Variants in ST8SIA1 observed in about 807,000 individuals in gnomAD.
ST8SIA1 encodes ST8 alpha-N-acetyl-neuraminide alpha-2,8-sialyltransferase 1, also known as alpha-N-acetylneuraminide alpha-2,8-sialyltransferase.
Under a neutral mutation model 35.9 loss-of-function variants are expected in ST8SIA1, and 16 were observed. The ratio of observed to expected loss-of-function variants is 0.45; its 90% CI spans 0.30 to 0.68. The LOEUF (loss-of-function observed/expected upper bound fraction) is 0.68, where lower values mean the gene tolerates loss of function less well. Among genes scored for constraint, ST8SIA1 ranks in the 30% least tolerant of loss-of-function variants. The pLI, the probability that ST8SIA1 is intolerant of heterozygous loss-of-function variation, is 0.09. For missense variants in ST8SIA1, 383 were observed against 453.6 expected (o/e 0.84, Z 1.41); for synonymous variants, 170 against 169.6 (o/e 1.00, Z -0.02).
intron 1 of ST8SIA1, among the ~76,000 whole-genome samples, chr12:22,307,088 T>C (rs1402743265): frequency 2.0e-5 from 3 of 152,140 alleles, no homozygotes; most frequent in Non-Finnish European, 4.4e-5. Flanking sequence ...GTCTGTTTTC[T>C]GTGTTTTTTC....
At chr12:22,278,151 A>G (rs558979895) in intron 2 of ST8SIA1, among the ~76,000 whole-genome samples, 1 of 152,350 alleles carries the variant, frequency 6.6e-6, no homozygotes, top group South Asian at 2.1e-4. Flanking sequence ...ATATTTATTT[A>G]GGTGACAAGT....
At chr12:22,284,105 T>C (rs193235706) in intron 2 of ST8SIA1, among the ~76,000 whole-genome samples, 1 of 152,318 alleles carries the variant, frequency 6.6e-6, no homozygotes, top group Admixed American at 6.5e-5. Context: ...CCAGCCATTA[T>C]AGGACCTGTT....
intron 2 of ST8SIA1, among the ~76,000 whole-genome samples, chr12:22,282,317 C>A (rs1180388354): frequency 6.6e-6 from 1 of 152,160 alleles, no homozygotes; most frequent in Non-Finnish European, 1.5e-5. Flanking sequence ...AACAGCCACA[C>A]AGAGTCGCTG....
intron 1 of ST8SIA1, among the ~76,000 whole-genome samples, chr12:22,294,488 T>G (rs111449531): frequency 3.3e-5 from 5 of 152,238 alleles, no homozygotes; most frequent in Non-Finnish European, 7.3e-5. Context: ...TCTACAGATA[T>G]AATAAAAAGT....
chr12:22,304,940 T>A (rs1866366107), intron 1 of ST8SIA1, among the ~76,000 whole-genome samples: 1 of 152,224 alleles, frequency 6.6e-6, no homozygotes, highest in Admixed American at 6.5e-5. Context: ...TTTCTTTCAG[T>A]ACCTTGAGAT....
At chr12:22,209,540 G>C (rs1456671049) in intron 4 of ST8SIA1, among the ~76,000 whole-genome samples, 1 of 152,114 alleles carries the variant, frequency 6.6e-6, no homozygotes, top group Non-Finnish European at 1.5e-5. Context: ...GCTTCAAATG[G>C]GAGTATGAAT....
chr12:22,284,188 T>G (rs927589726), intron 2 of ST8SIA1, among the ~76,000 whole-genome samples: 10 of 151,984 alleles, frequency 6.6e-5, no homozygotes, highest in Non-Finnish European at 1.2e-4. Flanking sequence ...AAAACAAAAG[T>G]AGGCAAACGA....
intron 4 of ST8SIA1, among the ~76,000 whole-genome samples, chr12:22,207,024 C>CG (rs1188260493): frequency 6.6e-6 from 1 of 152,118 alleles, no homozygotes; most frequent in Non-Finnish European, 1.5e-5. Context: ...AGAAAAATAG[C>CG]TATACAGTAG....
chr12:22,308,175 A>T (rs1364395282), intron 1 of ST8SIA1, among the ~76,000 whole-genome samples: 1 of 152,146 alleles, frequency 6.6e-6, no homozygotes, highest in African/African-American at 2.4e-5. Flanking sequence ...TTTTCATCTT[A>T]TATGTTTTTA....
At position 22,334,549 on chromosome 12, in the gene ST8SIA1, G is replaced by A. The variant is rs1206104672; in HGVS notation, c.-317C>T. 146 of 408,804 alleles carry A rather than the reference G, an allele frequency of 3.6e-4. No homozygotes were observed. Among genetic ancestry groups the A allele is most frequent in the Non-Finnish European group, 2.5e-4 (57 of 223,652 alleles). The allele number at this position is 408,804 out of a possible 1,614,324, so 25.3% of individuals were successfully genotyped here. On this transcript the variant is annotated 5_prime_UTR_variant, in exon 1 of 5. The change creates a premature stop within an existing upstream ORF in the 5' untranslated region. Transcript: ENST00000396037. ...GCGCAGAGAGCGGCGGCGGCGAGTC[G>A]CTCCCGCCGGTTCTGCAGCATCACG...
At chr12:22,261,730 C>T (rs185519923) in intron 2 of ST8SIA1, among the ~76,000 whole-genome samples, 1 of 152,196 alleles carries the variant, frequency 6.6e-6, no homozygotes, top group South Asian at 2.1e-4. Context: ...AAATATGAAC[C>T]GGTCAGTAAG....
chr12:22,330,133 A>G (rs1465247987), intron 1 of ST8SIA1, among the ~76,000 whole-genome samples: 1 of 151,950 alleles, frequency 6.6e-6, no homozygotes, highest in African/African-American at 2.4e-5. Flanking sequence ...CCTGGCATAT[A>G]CTTCTATCCT....
intron 1 of ST8SIA1, among the ~76,000 whole-genome samples, chr12:22,331,040 C>G (rs1866756387): frequency 6.6e-6 from 1 of 152,208 alleles, no homozygotes; most frequent in Non-Finnish European, 1.5e-5. Flanking sequence ...TTCTTACTTT[C>G]TTCCTGCCAT....
chr12:22,213,096 C>A (rs1312869532), intron 4 of ST8SIA1, among the ~76,000 whole-genome samples: 1 of 152,146 alleles, frequency 6.6e-6, no homozygotes, highest in African/African-American at 2.4e-5. Context: ...CCCACCCCTG[C>A]CAGCCAGAAA....
intron 1 of ST8SIA1, among the ~76,000 whole-genome samples, chr12:22,323,713 G>A (rs2135843297): frequency 6.6e-6 from 1 of 152,302 alleles, no homozygotes; most frequent in East Asian, 1.9e-4. Flanking sequence ...CAGGGACATG[G>A]ATGGAGTCGG....
At position 22,194,216 on chromosome 12, in the gene ST8SIA1, G is replaced by C. The variant is rs182321919; in HGVS notation, c.*7336C>G. The C allele has an allele frequency of 1.1e-3, 173 of 152,122 alleles. No homozygotes were observed. The highest frequency in any genetic ancestry group is 4.0e-3 in the African/African-American group (167 of 41,504). 9.4% of individuals were successfully genotyped at this position (152,122 alleles called of 1,614,324 possible). ...CTATAGTAACCTATCAACACCCAAC[G>C]GTGCTCAAGACTGAATGATAAACAG... On this transcript the variant is annotated 3_prime_UTR_variant, in exon 5 of 5. Coordinates refer to ENST00000396037, the MANE Select transcript of ST8SIA1 (RefSeq NM_003034.4).
chr12:22,315,972 C>T (rs1307032306), intron 1 of ST8SIA1, among the ~76,000 whole-genome samples: 1 of 151,292 alleles, frequency 6.6e-6, no homozygotes, highest in African/African-American at 2.4e-5. Flanking sequence ...ACATGTAGCC[C>T]AGAACTTAAA....
chr12:22,282,655 C>G (rs1411441702), intron 2 of ST8SIA1, among the ~76,000 whole-genome samples: 1 of 152,158 alleles, frequency 6.6e-6, no homozygotes, highest in African/African-American at 2.4e-5. Context: ...TACCTACCCT[C>G]TAATTCTTTA....
At chr12:22,308,710 A>G (rs561735369) in intron 1 of ST8SIA1, among the ~76,000 whole-genome samples, 26 of 150,072 alleles carry the variant, frequency 1.7e-4, no homozygotes, top group African/African-American at 6.3e-4. Context: ...TGAATGATCA[A>G]ATCAAATCAA....
Sources: allele counts gnomAD v4.1 joint callset (sites outside exome capture counted in the v4.1 genomes callset), GRCh38; gene constraint gnomAD v4.1.1; transcripts MANE v1.5; gene names NCBI Gene and HGNC (gene_info 2026-07-23, HGNC 2026-07-21).